The following ABCC9 variants were observed in gnomAD, a reference collection of about 807,000 sequenced individuals.
The protein encoded by ABCC9 is ATP binding cassette subfamily C member 9.
In ABCC9, 95 loss-of-function variants were observed where a neutral mutation model predicts 188.3. The observed-to-expected ratio is 0.50, with a 90% CI of 0.43 to 0.60. The LOEUF is 0.60. Among genes scored for constraint, ABCC9 ranks in the 20% least tolerant of loss-of-function variants. The pLI is 0.00. For synonymous variants in ABCC9, 659 were observed against 652.7 expected (o/e 1.01, Z -0.15); for missense variants, 1,102 against 1,876.3 (o/e 0.59, Z 7.62).
intron 34 of ABCC9, 58 bp from the exon 35 acceptor site, chr12:21,814,780 C>T: frequency 2.8e-6 from 4 of 1,441,910 alleles, no homozygotes; most frequent in South Asian, 1.1e-5. Flanking sequence ...AGAAGATTAG[C>T]TTAAGTTTTG....
chr12:21,934,748 A>G (rs1224506206), intron 3 of ABCC9, among the ~76,000 whole-genome samples: 3 of 151,986 alleles, frequency 2.0e-5, no homozygotes, highest in Non-Finnish European at 4.4e-5. Flanking sequence ...TGTAGAAAAA[A>G]AGCCCCACCT....
chr12:21,845,637 T>G lies in ABCC9; in HGVS notation c.3062A>C (p.Glu1021Ala). 1 of 1,613,776 alleles carries G rather than the reference T, an allele frequency of 6.2e-7. No individual in the cohort carries two copies. The highest frequency in any genetic ancestry group is 1.6e-4 in the Middle Eastern group (1 of 6,062). The change falls in exon 26 of 40, where the codon GAG becomes GCG. Residue 1021 changes from glutamate to alanine, a missense_variant. Glu to Ala is a moderately radical substitution (Grantham distance 107, BLOSUM62 -1). Around this residue, in one of 12 missense-constraint regions of ABCC9, gnomAD observed 74 missense variants for 132.7 expected, o/e 0.56. Transcript: ENST00000261200. ...TTTTCCAGTATTGTTTATACTGTAC[T>G]CCGATGTCCATGTGGCCAGCCAATA... The part of the protein sequence containing the change: ...IDYWLATWTS[E>A]YSINNTGKAD...
chr12:21,935,651 T>G (rs1949455423), intron 3 of ABCC9, among the ~76,000 whole-genome samples: 1 of 152,100 alleles, frequency 6.6e-6, no homozygotes, highest in Non-Finnish European at 1.5e-5. Flanking sequence ...AGTGGTTGTC[T>G]CCTGTGAAAA....
Position 21,936,622 on chromosome 12 carries a change from C to T in ABCC9, c.53G>A (p.Gly18Asp). The T allele has an allele frequency of 1.9e-6, 3 of 1,611,246 alleles. No homozygotes were observed. Among genetic ancestry groups the T allele is most frequent in the Non-Finnish European group, 2.5e-6 (3 of 1,177,620 alleles). The change falls in exon 3 of 40, where the codon GGT (glycine) becomes GAT (aspartate). Residue 18 changes from glycine (G) to aspartate (D), a missense_variant. Coordinates refer to ENST00000261200, the MANE Select transcript of ABCC9 (RefSeq NM_020297.4). ...NNISSYNIND[G>D]VLQNSCFVDA... ...CACAAAGCAGGAATTTTGTAGTACACCATCGTTGATATTATATGAAGAAAT... is the reference window on the plus strand; with the variant it reads ...CACAAAGCAGGAATTTTGTAGTACATCATCGTTGATATTATATGAAGAAAT...
chr12:21,835,046 C>T (rs1010173052), intron 30 of ABCC9, among the ~76,000 whole-genome samples: 1 of 152,024 alleles, frequency 6.6e-6, no homozygotes, highest in African/African-American at 2.4e-5. Context: ...AGGAGGAGCT[C>T]AATAGGATTT....
chr12:21,931,405 A>G, intron 4 of ABCC9, among the ~76,000 whole-genome samples: 1 of 152,064 alleles, frequency 6.6e-6, no homozygotes, highest in East Asian at 1.9e-4. Flanking sequence ...ATTAAAAAAA[A>G]AAAAGAAGTA....
chr12:21,912,768 A>AAC lies in ABCC9; in HGVS notation c.1011+103_1011+104insGT, dbSNP rs559775672. The AAC allele has an allele frequency of 6.3e-4, 759 of 1,197,610 alleles. 15 individuals carry two copies. The highest frequency in any genetic ancestry group is 4.2e-3 in the South Asian group (309 of 73,102). The allele number at this position is 1,197,610 out of a possible 1,614,324, so 74.2% of individuals were successfully genotyped here. On this transcript the variant is annotated intron_variant, in intron 8 of 39. Transcript: ENST00000261200. ...TTTAGAAAGCATTCAATTCTCTGAA[A>AAC]AAAAGCCTATTTGAACAACTCATAA...
chr12:21,846,796 T>C lies in ABCC9; in HGVS notation c.2867-964A>G, dbSNP rs1944693480. ...TTGCTAGCTGTCTCCCCAATACCCA[T>C]TCTTTGCTTCTATATTAATTGAAAT... On this transcript the variant is annotated intron_variant, in intron 25 of 39. Transcript: ENST00000261200. Among the ~76,000 whole-genome samples the C allele has an allele frequency of 2.6e-5, 4 of 152,266 alleles. No homozygotes were observed. In the South Asian group the frequency reaches 6.2e-4, roughly 24 times the overall value.
At chr12:21,809,590 T>A (rs1942092328) in intron 37 of ABCC9, among the ~76,000 whole-genome samples, 1 of 152,126 alleles carries the variant, frequency 6.6e-6, no homozygotes, top group Non-Finnish European at 1.5e-5. Flanking sequence ...TACCCACCAA[T>A]TGTGAAAAGA....
Position 21,859,746 on chromosome 12 carries a change from C to T in ABCC9, c.2425-80G>A, listed in dbSNP as rs150841945. On this transcript the variant is annotated intron_variant, in intron 21 of 39. Transcript: ENST00000261200. Reference sequence around the variant, plus strand: ...TGGTAATATGACCTTAAATTACAAACGTCTTTTTAAAAATCTTAGATTGAT... The same window carrying T: ...TGGTAATATGACCTTAAATTACAAATGTCTTTTTAAAAATCTTAGATTGAT... 1.1e-4 allele frequency: 130 copies of T among 1,211,252 alleles called. 1 individual carries two copies. The African/African-American group carries it at 1.2e-3, about 11-fold the overall frequency. 75.0% of individuals were successfully genotyped at this position (1,211,252 alleles called of 1,614,324 possible).
chr12:21,812,236 T>C lies in ABCC9; in HGVS notation c.4103-79A>G, dbSNP rs7966926. 7,150 of 1,143,326 alleles carry C rather than the reference T, an allele frequency of 6.3e-3. 317 individuals carry two copies. In the African/African-American group the frequency reaches 0.096, roughly 15 times the overall value. 70.8% of individuals were successfully genotyped at this position (1,143,326 alleles called of 1,614,324 possible). ...ATATTTGTTTACAAATTGAAAGTTA[T>C]TTCTTAGTTAGGGGTTGAAATTCAG... On this transcript the variant is annotated intron_variant, in intron 35 of 39. Transcript: ENST00000261200.
At chr12:21,801,319 C>T (rs1941416687) in intron 39 of ABCC9, 138 bp from the exon 40 acceptor site, 1 of 1,098,820 alleles carries the variant, frequency 9.1e-7, no homozygotes, top group Non-Finnish European at 1.3e-6. Flanking sequence ...TCACAGACAC[C>T]TCCCCTTTTT....
At chr12:21,866,224 CAT>C (rs71444142) in intron 18 of ABCC9, among the ~76,000 whole-genome samples, 48,758 of 151,796 alleles carry the variant, frequency 0.32, 7,976 homozygotes, top group African/African-American at 0.35. Flanking sequence ...TGAAGGGGCT[CAT>C]AATCCATTTT....
intron 17 of ABCC9, among the ~76,000 whole-genome samples, chr12:21,873,501 C>G (rs1259249313): frequency 6.6e-6 from 1 of 152,104 alleles, no homozygotes; most frequent in East Asian, 1.9e-4. Context: ...CCAAAGCAAT[C>G]TACAGATTCA....
intron 31 of ABCC9, among the ~76,000 whole-genome samples, chr12:21,825,036 GA>G (rs1943287465): frequency 6.6e-6 from 1 of 151,932 alleles, no homozygotes; most frequent in Admixed American, 6.6e-5. Flanking sequence ...CTCAACATAT[GA>G]AAAAAAGCTC....
chr12:21,939,369 A>G (rs947564793), intron 2 of ABCC9, among the ~76,000 whole-genome samples: 27 of 152,242 alleles, frequency 1.8e-4, no homozygotes, highest in African/African-American at 6.0e-4. Context: ...ACAACCCAAC[A>G]TGGACAAAAA....
At chr12:21,848,990 C>G (rs936350119) in intron 24 of ABCC9, among the ~76,000 whole-genome samples, 1 of 152,132 alleles carries the variant, frequency 6.6e-6, no homozygotes, top group East Asian at 1.9e-4. Context: ...ACACCAGCTC[C>G]CCTGACCTCA....
intron 2 of ABCC9, chr12:21,938,089 C>CGG (rs1555126219): frequency 6.6e-6 from 1 of 152,006 alleles, no homozygotes; most frequent in Non-Finnish European, 1.5e-5. Flanking sequence ...TAGGAAAAAA[C>CGG]AGTGTTATAC....
At chr12:21,843,774 A>G (rs980012197) in intron 28 of ABCC9, among the ~76,000 whole-genome samples, 1 of 152,184 alleles carries the variant, frequency 6.6e-6, no homozygotes, top group Admixed American at 6.5e-5. Flanking sequence ...CACCAATGCC[A>G]TGAAAACATC....
Sources: allele counts gnomAD v4.1 joint callset (sites outside exome capture counted in the v4.1 genomes callset), GRCh38; gene constraint gnomAD v4.1.1; regional missense constraint gnomAD v4.1.1; transcripts MANE v1.5; gene names NCBI Gene and HGNC (gene_info 2026-07-23, HGNC 2026-07-21).